WWTR1: variants seen among roughly 807,000 people sequenced by gnomAD.
The protein encoded by WWTR1 is WW domain-containing transcription regulator protein 1.
In WWTR1, 13 loss-of-function variants were observed where a neutral mutation model predicts 40.1. The observed-to-expected ratio is 0.32, with a 90% CI of 0.21 to 0.52. The LOEUF is 0.52. Ranked by LOEUF, WWTR1 falls within the 20% of genes least tolerant of loss-of-function variation. The probability of loss-of-function intolerance (pLI) is 0.97; values close to 1 mark genes in which losing one functional copy is unlikely to be tolerated. For synonymous variants in WWTR1, 230 were observed against 210.1 expected (o/e 1.09, Z -0.82); for missense variants, 436 against 523.1 (o/e 0.83, Z 1.63).
intron 1 of WWTR1, chr3:149,701,475 C>A: frequency 5.4e-6 from 1 of 184,692 alleles, no homozygotes; most frequent in East Asian, 8.6e-5. Flanking sequence ...CTCCAGTATC[C>A]CAAACTTTCT....
chr3:149,537,590 T>C (rs1379587033), intron 4 of WWTR1, among the ~76,000 whole-genome samples: 2 of 152,250 alleles, frequency 1.3e-5, no homozygotes, highest in South Asian at 4.1e-4. Context: ...TATTATTCTT[T>C]TTGTTTACAT....
At chr3:149,711,180 G>A (rs57133328) in intron 5 of WWTR1, among the ~76,000 whole-genome samples, 56,638 of 145,044 alleles carry the variant, frequency 0.39, 11,534 homozygotes, top group South Asian at 0.51. Context: ...AAAAAAAAAA[G>A]GGAGGCTGGA....
chr3:149,714,528 C>G (rs920902563), intron 5 of WWTR1, among the ~76,000 whole-genome samples: 2 of 152,256 alleles, frequency 1.3e-5, no homozygotes, highest in Non-Finnish European at 2.9e-5. Flanking sequence ...ACACCCGGCC[C>G]CTGTCATCTC....
intron 2 of WWTR1, among the ~76,000 whole-genome samples, chr3:149,619,282 G>A (rs4681530): frequency 0.66 from 100,311 of 151,804 alleles, 33,633 homozygotes; most frequent in Middle Eastern, 0.72. Context: ...AACTCTTCAC[G>A]CTGACAGGAG....
At chr3:149,712,223 C>T (rs956523858) in intron 5 of WWTR1, among the ~76,000 whole-genome samples, 2 of 152,164 alleles carry the variant, frequency 1.3e-5, no homozygotes, top group Non-Finnish European at 2.9e-5. Flanking sequence ...GAGTTCGAGG[C>T]TGTAGTACAC....
At chr3:149,570,433 A>G (rs919618554) in intron 3 of WWTR1, among the ~76,000 whole-genome samples, 2 of 152,050 alleles carry the variant, frequency 1.3e-5, no homozygotes, top group Admixed American at 1.3e-4. Context: ...GCTGGGCGTG[A>G]TGATACATGC....
chr3:149,589,124 T>C (rs142301690), intron 2 of WWTR1, among the ~76,000 whole-genome samples: 3 of 152,294 alleles, frequency 2.0e-5, no homozygotes, highest in African/African-American at 7.2e-5. Context: ...GCCTAGCATG[T>C]CCTGTACTTC....
chr3:149,582,166 G>A (rs755910632), intron 2 of WWTR1, among the ~76,000 whole-genome samples: 1 of 151,914 alleles, frequency 6.6e-6, no homozygotes, highest in Non-Finnish European at 1.5e-5. Flanking sequence ...GAGACACCCC[G>A]TCATATGCTG....
At chr3:149,698,334 C>T (rs1007338121) in intron 1 of WWTR1, among the ~76,000 whole-genome samples, 1 of 152,218 alleles carries the variant, frequency 6.6e-6, no homozygotes, top group Non-Finnish European at 1.5e-5. Flanking sequence ...TCCTCCTTCA[C>T]TTGGTTTTCA....
At chr3:149,580,499 C>T (rs963206545) in intron 2 of WWTR1, among the ~76,000 whole-genome samples, 1 of 152,228 alleles carries the variant, frequency 6.6e-6, no homozygotes, top group African/African-American at 2.4e-5. Flanking sequence ...GGCCACATCA[C>T]AGAGGGAGCC....
chr3:149,619,729 C>T (rs1459763207), intron 2 of WWTR1, among the ~76,000 whole-genome samples: 1 of 152,126 alleles, frequency 6.6e-6, no homozygotes, highest in African/African-American at 2.4e-5. Context: ...TTGTTCAAGC[C>T]TACTACTTTA....
At position 149,580,575 on chromosome 3, in the gene WWTR1, G is replaced by A. The variant is rs139375899; in HGVS notation, c.432-7575C>T. On this transcript the variant is annotated intron_variant, in intron 2 of 6. Coordinates refer to ENST00000360632, the MANE Select transcript of WWTR1 (RefSeq NM_015472.6). ...CCACCCACATCTAAACTAGCAACCCGACCTGATCATGTTTGTAATACTAAG... is the reference window on the plus strand; with the variant it reads ...CCACCCACATCTAAACTAGCAACCCAACCTGATCATGTTTGTAATACTAAG... 9.2e-5 allele frequency among the ~76,000 whole-genome samples: 14 copies of A among 152,280 alleles called. No homozygotes were observed. The East Asian group carries it at 2.3e-3, about 25-fold the overall frequency.
At chr3:149,706,985 A>G (rs540811111), upstream of WWTR1, among the ~76,000 whole-genome samples, 45 of 152,206 alleles carry the variant, frequency 3.0e-4, no homozygotes, top group Admixed American at 1.2e-3. Flanking sequence ...GCCACCCCCC[A>G]ACCCCAATAC....
chr3:149,541,054 G>T lies in WWTR1; in HGVS notation c.771+1281C>A, dbSNP rs576709176. On this transcript the variant is annotated intron_variant, in intron 4 of 6. Coordinates refer to ENST00000360632, the MANE Select transcript of WWTR1 (RefSeq NM_015472.6). ...TCCTTTCCTCCAAGAAAGTTCTCTG[G>T]AATGTTAAAACTACTTATTTCTCTA... 478 of 456,260 alleles carry T rather than the reference G, an allele frequency of 1.0e-3. 1 individual carries two copies. The highest frequency in any genetic ancestry group is 1.5e-3 in the Non-Finnish European group (329 of 226,764). The allele number at this position is 456,260 out of a possible 1,614,324, so 28.3% of individuals were successfully genotyped here.
At chr3:149,699,728 G>A (rs562188365) in intron 1 of WWTR1, among the ~76,000 whole-genome samples, 5 of 152,254 alleles carry the variant, frequency 3.3e-5, no homozygotes, top group African/African-American at 1.2e-4. Context: ...TCTGAGACCT[G>A]ATCAGCCTGG....
chr3:149,544,182 A>G (rs1258994828), intron 3 of WWTR1, among the ~76,000 whole-genome samples: 2 of 152,120 alleles, frequency 1.3e-5, no homozygotes, highest in Non-Finnish European at 2.9e-5. Context: ...TATATTAAAT[A>G]TATGTATTAA....
chr3:149,578,804 G>A (rs888957922), intron 2 of WWTR1, among the ~76,000 whole-genome samples: 2 of 152,034 alleles, frequency 1.3e-5, no homozygotes, highest in African/African-American at 4.8e-5. Flanking sequence ...CACTTGAACC[G>A]GGGAGGCGGA....
At chr3:149,526,745 GCTA>G (rs1485909530) in intron 5 of WWTR1, among the ~76,000 whole-genome samples, 1 of 152,062 alleles carries the variant, frequency 6.6e-6, no homozygotes, top group Non-Finnish European at 1.5e-5. Context: ...TATTATTTCA[GCTA>G]CTATTTGTTT....
chr3:149,705,483 T>C (rs1261471459), upstream of WWTR1, among the ~76,000 whole-genome samples: 1 of 152,220 alleles, frequency 6.6e-6, no homozygotes, highest in Non-Finnish European at 1.5e-5. Context: ...CAAGATGCCA[T>C]TTTCAGTTTC....
Sources: gnomAD v4.1 joint callset for allele counts (sites outside exome capture counted in the v4.1 genomes callset) on GRCh38, gnomAD v4.1.1 for gene constraint, MANE v1.5 for transcripts, NCBI Gene and HGNC (gene_info 2026-07-23, HGNC 2026-07-21) for gene names.